The following UGT2B7 variants were observed in gnomAD, a reference collection of about 807,000 sequenced individuals.
UGT2B7 encodes the protein UDP glucuronosyltransferase family 2 member B7, also known as UDP-glucuronosyltransferase 2B7.
In UGT2B7, 51 loss-of-function variants were observed where a neutral mutation model predicts 51.9. That is an observed-to-expected ratio of 0.98 (90% CI 0.78 to 1.24). The LOEUF (loss-of-function observed/expected upper bound fraction) is 1.24. Among genes scored for constraint, UGT2B7 ranks in the 50% most tolerant of loss-of-function variants. UGT2B7 has a pLI of 0.00. For synonymous variants in UGT2B7, 225 were observed against 211.6 expected, an observed-to-expected ratio of 1.06 and a Z score of -0.55; for missense variants, 727 against 628.4, an observed-to-expected ratio of 1.16 and a Z score of -1.68.
chr4:69,111,208 G>A (rs1365871529), intron 5 of UGT2B7, among the ~76,000 whole-genome samples: 1 of 152,172 alleles, frequency 6.6e-6, no homozygotes, highest in Non-Finnish European at 1.5e-5. Context: ...GGGGAAAAGT[G>A]TTAGGAAAAG....
At chr4:69,052,414 G>A (rs1430571553) in intron 1 of UGT2B7, among the ~76,000 whole-genome samples, 2 of 151,982 alleles carry the variant, frequency 1.3e-5, no homozygotes, top group Admixed American at 1.3e-4. Context: ...AAGGATAATT[G>A]AAATCCCAAA....
intron 2 of UGT2B7, among the ~76,000 whole-genome samples, chr4:69,099,689 T>G (rs1202695656): frequency 6.6e-6 from 1 of 152,072 alleles, no homozygotes; most frequent in Non-Finnish European, 1.5e-5. Context: ...TTAAAGTGTC[T>G]CTGGAATATA....
chr4:69,094,216 T>C, upstream of UGT2B7, among the ~76,000 whole-genome samples: 4 of 81,872 alleles, frequency 4.9e-5, 2 homozygotes, highest in African/African-American at 2.6e-4. Context: ...CTCGGCTCAC[T>C]GCAAGCTCCG....
intron 1 of UGT2B7, among the ~76,000 whole-genome samples, chr4:69,078,357 G>A (rs1433933372): frequency 6.6e-6 from 1 of 152,104 alleles, no homozygotes; most frequent in Non-Finnish European, 1.5e-5. Context: ...GTTTGGAATA[G>A]TTTCAGAAGG....
chr4:69,101,700 T>A (rs1252411829), intron 2 of UGT2B7, among the ~76,000 whole-genome samples: 1 of 152,222 alleles, frequency 6.6e-6, no homozygotes, highest in Non-Finnish European at 1.5e-5. Flanking sequence ...GGACTTTTTT[T>A]TCTTTGTTTT....
chr4:69,106,138 CAT>C (rs1257010908), intron 3 of UGT2B7, among the ~76,000 whole-genome samples: 1 of 151,934 alleles, frequency 6.6e-6, no homozygotes, highest in Non-Finnish European at 1.5e-5. Flanking sequence ...TTCAAGGGGA[CAT>C]GTGTAGTTTT....
chr4:69,080,859 A>G (rs1309941890), intron 1 of UGT2B7, among the ~76,000 whole-genome samples: 1 of 152,202 alleles, frequency 6.6e-6, no homozygotes, highest in Non-Finnish European at 1.5e-5. Flanking sequence ...CTACTTGAGC[A>G]TAGGAACTAC....
chr4:69,087,084 C>G (rs1274191667), intron 1 of UGT2B7, among the ~76,000 whole-genome samples: 3 of 151,406 alleles, frequency 2.0e-5, no homozygotes, highest in Non-Finnish European at 4.4e-5. Context: ...CTCTGTCTCT[C>G]TCTCTCTGTG....
intron 1 of UGT2B7, among the ~76,000 whole-genome samples, chr4:69,065,861 A>G (rs1553911557): frequency 7.3e-6 from 1 of 136,342 alleles, no homozygotes; most frequent in Non-Finnish European, 1.6e-5. Flanking sequence ...TAATTTTTTA[A>G]TCTTCTTTAT....
At chr4:69,109,010 A>G (rs150885838) in intron 5 of UGT2B7, among the ~76,000 whole-genome samples, 311 of 151,398 alleles carry the variant, frequency 2.1e-3, no homozygotes, top group African/African-American at 6.5e-3. Context: ...GTGTTGTGAA[A>G]TGACATTTCA....
At chr4:69,087,937 T>C (rs533039263) in intron 1 of UGT2B7, among the ~76,000 whole-genome samples, 2 of 152,030 alleles carry the variant, frequency 1.3e-5, no homozygotes, top group African/African-American at 2.4e-5. Flanking sequence ...ACTCTTCGGA[T>C]TAAATTTGAT....
intron 1 of UGT2B7, among the ~76,000 whole-genome samples, chr4:69,054,781 G>A (rs190989180): frequency 1.1e-3 from 165 of 152,234 alleles, no homozygotes; most frequent in Middle Eastern, 0.01. Flanking sequence ...GAAGCATGAG[G>A]AAACTCATCG....
intron 3 of UGT2B7, among the ~76,000 whole-genome samples, chr4:69,105,764 A>G (rs1198768487): frequency 1.3e-5 from 2 of 152,310 alleles, no homozygotes; most frequent in East Asian, 1.9e-4. Flanking sequence ...TATAATTCCA[A>G]TGAAGTTATA....
At chr4:69,056,813 G>C (rs1428744991) in intron 1 of UGT2B7, among the ~76,000 whole-genome samples, 1 of 152,132 alleles carries the variant, frequency 6.6e-6, no homozygotes, top group African/African-American at 2.4e-5. Context: ...AAAAATAAGA[G>C]TGAGAACTCC....
intron 1 of UGT2B7, among the ~76,000 whole-genome samples, chr4:69,055,243 T>G (rs76879032): frequency 7.0e-6 from 1 of 142,400 alleles, no homozygotes; most frequent in African/African-American, 2.6e-5. Context: ...AGTAAAAAAA[T>G]AAGTATATCT....
chr4:69,099,237 G>T (rs1157531974), intron 2 of UGT2B7, among the ~76,000 whole-genome samples: 1 of 122,442 alleles, frequency 8.2e-6, no homozygotes, highest in Non-Finnish European at 1.7e-5. Context: ...ATAGGTAAAA[G>T]AATGACGGGG....
At chr4:69,085,225 A>G (rs1718923841) in intron 1 of UGT2B7, among the ~76,000 whole-genome samples, 1 of 152,058 alleles carries the variant, frequency 6.6e-6, no homozygotes, top group Non-Finnish European at 1.5e-5. Context: ...GATAATGATG[A>G]CGAGCTTTTT....
At chr4:69,083,022 A>G (rs2109874796) in intron 1 of UGT2B7, among the ~76,000 whole-genome samples, 1 of 152,156 alleles carries the variant, frequency 6.6e-6, no homozygotes. Context: ...GCCCTTGAGA[A>G]TCTGCTTTGC....
chr4:69,067,823 G>A lies in UGT2B7; in HGVS notation c.-159+16221G>A, dbSNP rs114821124. 3.4e-3 allele frequency among the ~76,000 whole-genome samples: 520 copies of A among 152,114 alleles called. 1 individual carries two copies. The highest frequency in any genetic ancestry group is 0.012 in the African/African-American group (488 of 41,520). ...ATGGAAACATTTGTCAGAGGTTTTAGGATAGTGCATAAGTTCTAAAATAGC... is the reference window on the plus strand; with the variant it reads ...ATGGAAACATTTGTCAGAGGTTTTAAGATAGTGCATAAGTTCTAAAATAGC... On this transcript the variant is annotated intron_variant, in intron 1 of 5. Transcript: ENST00000502942.
Sources: gnomAD v4.1 joint callset for allele counts (sites outside exome capture counted in the v4.1 genomes callset) on GRCh38, gnomAD v4.1.1 for gene constraint, MANE v1.5 for transcripts, NCBI Gene and HGNC (gene_info 2026-07-23, HGNC 2026-07-21) for gene names.